The following ITSN1 variants were observed in gnomAD, a reference collection of about 807,000 sequenced individuals.
ITSN1 encodes the protein intersectin 1.
Under a neutral mutation model 239.8 loss-of-function variants are expected in ITSN1, and 58 were observed. The observed-to-expected ratio is 0.24, with a 90% CI of 0.20 to 0.30. The LOEUF (loss-of-function observed/expected upper bound fraction) is 0.30. ITSN1 is among the 10% of genes least tolerant of loss of function. The pLI is 1.00. For missense variants in ITSN1, 1,558 were observed against 2,103.3 expected (o/e 0.74, Z 5.07); for synonymous variants, 780 against 770.8 (o/e 1.01, Z -0.20).
chr21:33,656,684 C>CGTGCCA (rs2089111950), intron 1 of ITSN1, among the ~76,000 whole-genome samples: 2 of 151,948 alleles, frequency 1.3e-5, no homozygotes. Flanking sequence ...AGGTCTGTGG[C>CGTGCCA]GTGCCACTTG....
chr21:33,838,358 C>A, intron 29 of ITSN1: 1 of 985,346 alleles, frequency 1.0e-6, no homozygotes, highest in South Asian at 4.7e-5. Flanking sequence ...GACCTCTCCT[C>A]CTCGTTCAGT....
At chr21:33,836,406 G>T in intron 28 of ITSN1, 35 bp from the exon 29 acceptor site, 1 of 1,521,768 alleles carries the variant, frequency 6.6e-7, no homozygotes, top group Non-Finnish European at 8.9e-7. Flanking sequence ...TCTCCGGCGG[G>T]TGTGCAGCCG....
intron 29 of ITSN1, among the ~76,000 whole-genome samples, chr21:33,851,363 C>A (rs1978307801): frequency 6.6e-6 from 1 of 152,084 alleles, no homozygotes; most frequent in Non-Finnish European, 1.5e-5. Flanking sequence ...ACTGTCTCCA[C>A]CATCAGCACA....
chr21:33,837,705 G>GCTAT, intron 29 of ITSN1: 1 of 985,758 alleles, frequency 1.0e-6, no homozygotes, highest in Non-Finnish European at 1.2e-6. Flanking sequence ...CTATTACCTT[G>GCTAT]TACGATGCTC....
chr21:33,877,825 T>TTGTG (rs3835379), intron 34 of ITSN1, among the ~76,000 whole-genome samples: 2,577 of 147,266 alleles, frequency 0.017, 23 homozygotes, highest in Non-Finnish European at 0.026. Flanking sequence ...TGTTTCTATT[T>TTGTG]TGTGTGTGTG....
intron 1 of ITSN1, among the ~76,000 whole-genome samples, chr21:33,668,929 G>A (rs1051157137): frequency 6.6e-6 from 1 of 152,178 alleles, no homozygotes; most frequent in Non-Finnish European, 1.5e-5. Context: ...AAGAAAATAT[G>A]TATGAGATTG....
intron 4 of ITSN1, among the ~76,000 whole-genome samples, chr21:33,723,740 AT>A (rs1478115064): frequency 6.6e-6 from 1 of 152,202 alleles, no homozygotes; most frequent in African/African-American, 2.4e-5. Flanking sequence ...AATCTAGAAA[AT>A]AGGAATGGTT....
Position 33,750,185 on chromosome 21 carries a change from C to T in ITSN1, c.389C>T (p.Ala130Val), listed in dbSNP as rs771275208. 3.1e-6 allele frequency: 5 copies of T among 1,614,140 alleles called. No individual in the cohort carries two copies. Among genetic ancestry groups the T allele is most frequent in the Admixed American group, 1.7e-5 (1 of 60,020 alleles). ...AGCATGCCACCGCTTACAGCTGTTGCTCCAGTGCCAATGGGATCCATTCCA... is the reference window on the plus strand; with the variant it reads ...AGCATGCCACCGCTTACAGCTGTTGTTCCAGTGCCAATGGGATCCATTCCA... ...IASMPPLTAV[A>V]PVPMGSIPVV... is the part of the protein sequence containing the mutation. Residue 130 changes from alanine (A) to valine (V), a missense_variant, in exon 6 of 40, where the codon GCT (alanine) becomes GTT (valine). By Grantham distance (64) the Ala-to-Val change is moderately conservative. Transcript: ENST00000381318.
At chr21:33,716,213 A>G (rs2065129732) in intron 1 of ITSN1, among the ~76,000 whole-genome samples, 1 of 152,146 alleles carries the variant, frequency 6.6e-6, no homozygotes, top group African/African-American at 2.4e-5. Flanking sequence ...AAATTCCTTA[A>G]AAGTCCATAT....
intron 5 of ITSN1, among the ~76,000 whole-genome samples, chr21:33,746,884 T>A (rs1019254770): frequency 1.3e-5 from 2 of 151,698 alleles, no homozygotes; most frequent in African/African-American, 4.8e-5. Flanking sequence ...CTGGGAGCGG[T>A]GGCTCACGGC....
Position 33,865,087 on chromosome 21 carries a change from A to G in ITSN1, c.3891-64A>G, listed in dbSNP as rs565389988. 2.0e-6 allele frequency: 3 copies of G among 1,506,668 alleles called. No individual in the cohort carries two copies. Among genetic ancestry groups the G allele is most frequent in the African/African-American group, 2.7e-5 (2 of 72,908 alleles). 93.3% of individuals were successfully genotyped at this position (1,506,668 alleles called of 1,614,324 possible). On this transcript the variant is annotated intron_variant, in intron 31 of 39. Coordinates refer to ENST00000381318, the MANE Select transcript of ITSN1 (RefSeq NM_003024.3). This position sits in a 1 kb window ranked among gnomAD's most constrained non-coding sequence, Gnocchi z 4.4. The stretch of plus-strand genomic sequence containing the variant: ...ACACATTCTGTTTCTGTGCAACCTA[A>G]GTGTGCTGTGGTGCTGTCAGATAGC...
At chr21:33,871,868 CCACTG>C (rs1467061032) in intron 33 of ITSN1, among the ~76,000 whole-genome samples, 1 of 152,136 alleles carries the variant, frequency 6.6e-6, no homozygotes, top group Non-Finnish European at 1.5e-5. Flanking sequence ...TGCTACTTAA[CCACTG>C]TGTGCTCTTG....
intron 4 of ITSN1, among the ~76,000 whole-genome samples, chr21:33,724,267 T>A (rs1448318182): frequency 1.3e-5 from 2 of 152,206 alleles, no homozygotes; most frequent in Non-Finnish European, 2.9e-5. Flanking sequence ...CCATTCTAAT[T>A]CTAACTTCTG....
At chr21:33,885,161 G>A (rs200312887) in intron 37 of ITSN1, 38 bp downstream of exon 37, 6 of 1,544,128 alleles carry the variant, frequency 3.9e-6, no homozygotes, top group Non-Finnish European at 5.4e-6. Context: ...GCACAGCTGG[G>A]CAGGAGGGAG....
chr21:33,769,365 A>G (rs2068947856), intron 11 of ITSN1, among the ~76,000 whole-genome samples: 1 of 152,238 alleles, frequency 6.6e-6, no homozygotes, highest in African/African-American at 2.4e-5. Context: ...TGCTGGAATT[A>G]AAAAGATGTA....
intron 5 of ITSN1, among the ~76,000 whole-genome samples, chr21:33,741,652 G>C (rs1198335772): frequency 2.6e-5 from 4 of 151,974 alleles, no homozygotes; most frequent in Admixed American, 6.6e-5. Flanking sequence ...CAGCACTTTG[G>C]GGGGCCCAGG....
intron 20 of ITSN1, among the ~76,000 whole-genome samples, chr21:33,803,482 A>G (rs1370343878): frequency 1.3e-5 from 2 of 152,250 alleles, no homozygotes; most frequent in African/African-American, 4.8e-5. Flanking sequence ...AATACAATGA[A>G]GATTAAAACT....
At chr21:33,714,079 C>T (rs925864499) in intron 1 of ITSN1, among the ~76,000 whole-genome samples, 2 of 152,166 alleles carry the variant, frequency 1.3e-5, no homozygotes, top group South Asian at 2.1e-4. Flanking sequence ...ATCCACCCGC[C>T]TTGGCCTCCC....
At chr21:33,802,772 G>GA (rs1007115919) in intron 20 of ITSN1, among the ~76,000 whole-genome samples, 1 of 152,078 alleles carries the variant, frequency 6.6e-6, no homozygotes, top group African/African-American at 2.4e-5. Context: ...AAAATTCTGG[G>GA]AAAAAAATTT....
Sources: allele counts gnomAD v4.1 joint callset (sites outside exome capture counted in the v4.1 genomes callset), GRCh38; gene constraint gnomAD v4.1.1; non-coding constraint Gnocchi (gnomAD v3.1); transcripts MANE v1.5; gene names NCBI Gene and HGNC (gene_info 2026-07-23, HGNC 2026-07-21).